GRIK4: variants seen among roughly 807,000 people sequenced by gnomAD.
GRIK4 encodes glutamate ionotropic receptor kainate type subunit 4, also known as glutamate receptor ionotropic, kainate 4.
In GRIK4, 40 loss-of-function variants were observed where a neutral mutation model predicts 104.9. The observed-to-expected ratio is 0.38, with a 90% CI of 0.30 to 0.50. The LOEUF is 0.50. Ranked by LOEUF, GRIK4 falls within the 20% of genes least tolerant of loss-of-function variation. The pLI, the probability that GRIK4 is intolerant of heterozygous loss-of-function variation, is 0.93. For missense variants in GRIK4, 1,047 were observed against 1,308.1 expected (o/e 0.80, Z 3.08); for synonymous variants, 485 against 524.9 (o/e 0.92, Z 1.04).
intron 3 of GRIK4, among the ~76,000 whole-genome samples, chr11:120,699,839 G>A (rs118060903): frequency 0.016 from 2,401 of 152,256 alleles, 36 homozygotes; most frequent in Non-Finnish European, 0.025. Context: ...GCCAGCTCGG[G>A]GCATGCCCAG....
intron 1 of GRIK4, among the ~76,000 whole-genome samples, chr11:120,578,534 C>G (rs1331495611): frequency 6.6e-6 from 1 of 152,220 alleles, no homozygotes; most frequent in African/African-American, 2.4e-5. Context: ...GCTTCTAGAA[C>G]ATACAGGGCA....
chr11:120,692,446 C>T (rs775571033), intron 3 of GRIK4, among the ~76,000 whole-genome samples: 3 of 152,164 alleles, frequency 2.0e-5, no homozygotes, highest in Non-Finnish European at 4.4e-5. Context: ...GGTGCATAAA[C>T]AGATCTTGAC....
intron 13 of GRIK4, among the ~76,000 whole-genome samples, chr11:120,924,735 CTG>C (rs1271609750): frequency 6.6e-6 from 1 of 152,142 alleles, no homozygotes; most frequent in Non-Finnish European, 1.5e-5. Flanking sequence ...CAAGAACGAT[CTG>C]TGAAAAAACA....
intron 13 of GRIK4, chr11:120,936,106 CT>C (rs1399018389): frequency 9.4e-5 from 20 of 213,410 alleles, no homozygotes; most frequent in South Asian, 1.8e-4. Context: ...CCGCCTCTTC[CT>C]TTTTTTTCCT....
intron 11 of GRIK4, among the ~76,000 whole-genome samples, chr11:120,893,795 T>TC (rs1942487351): frequency 1.3e-5 from 2 of 152,172 alleles, no homozygotes; most frequent in Admixed American, 6.5e-5. Flanking sequence ...GTCTTTTTTT[T>TC]TCCCCCCAGG....
At chr11:120,611,478 A>G (rs950758036) in intron 1 of GRIK4, among the ~76,000 whole-genome samples, 2 of 152,212 alleles carry the variant, frequency 1.3e-5, no homozygotes, top group African/African-American at 2.4e-5. Context: ...AGTTTCTGGC[A>G]AAAGACAAGG....
chr11:120,851,846 G>T (rs1179407318), intron 8 of GRIK4, among the ~76,000 whole-genome samples: 1 of 152,198 alleles, frequency 6.6e-6, no homozygotes, highest in Admixed American at 6.5e-5. Context: ...TAAGGAGGCA[G>T]AGTCCACTGA....
intron 3 of GRIK4, among the ~76,000 whole-genome samples, chr11:120,749,038 T>A (rs1353672722): frequency 3.3e-5 from 5 of 152,234 alleles, no homozygotes; most frequent in Non-Finnish European, 7.3e-5. Flanking sequence ...CTCCTCCTGC[T>A]GATTTGTGAG....
chr11:120,776,985 A>AG, intron 3 of GRIK4, among the ~76,000 whole-genome samples: 1 of 152,186 alleles, frequency 6.6e-6, no homozygotes, highest in East Asian at 1.9e-4. Context: ...GGGAGCTACG[A>AG]GGGGGGTGTG....
intron 3 of GRIK4, among the ~76,000 whole-genome samples, chr11:120,715,393 T>C (rs988998013): frequency 2.6e-5 from 4 of 151,964 alleles, no homozygotes; most frequent in Non-Finnish European, 4.4e-5. Context: ...TCGTGTCTCA[T>C]AAAAACAAAA....
chr11:120,540,706 G>A (rs1249143507), intron 1 of GRIK4, among the ~76,000 whole-genome samples: 1 of 152,198 alleles, frequency 6.6e-6, no homozygotes, highest in African/African-American at 2.4e-5. Flanking sequence ...GTAGAGTTGA[G>A]GGGTGGGAAG....
chr11:120,727,181 A>T (rs954342035), intron 3 of GRIK4, among the ~76,000 whole-genome samples: 1 of 152,208 alleles, frequency 6.6e-6, no homozygotes, highest in Admixed American at 6.5e-5. Context: ...AGTCCACCAG[A>T]TGGAACAAAG....
At chr11:120,671,332 A>G (rs1460629836) in intron 3 of GRIK4, among the ~76,000 whole-genome samples, 4 of 152,198 alleles carry the variant, frequency 2.6e-5, no homozygotes, top group Non-Finnish European at 4.4e-5. Context: ...GTGTAAAAGC[A>G]TTACTATTTC....
At chr11:120,860,436 C>A (rs1232552565) in intron 8 of GRIK4, among the ~76,000 whole-genome samples, 1 of 152,106 alleles carries the variant, frequency 6.6e-6, no homozygotes, top group African/African-American at 2.4e-5. Context: ...CAGGCTAACA[C>A]GTGGCCCCAC....
chr11:120,712,882 C>T (rs1030398529), intron 3 of GRIK4, among the ~76,000 whole-genome samples: 8 of 152,180 alleles, frequency 5.3e-5, no homozygotes, highest in Non-Finnish European at 1.2e-4. Flanking sequence ...TCAGTCCCTT[C>T]TTATGTGATT....
At chr11:120,517,491 C>T (rs930261964) in intron 1 of GRIK4, among the ~76,000 whole-genome samples, 4 of 148,746 alleles carry the variant, frequency 2.7e-5, no homozygotes, top group Admixed American at 6.6e-5. Flanking sequence ...ACGGTGCCCC[C>T]GCCTGTGCAC....
chr11:120,908,623 G>C (rs1351795253), intron 13 of GRIK4, among the ~76,000 whole-genome samples: 2 of 152,162 alleles, frequency 1.3e-5, no homozygotes, highest in Admixed American at 6.5e-5. Flanking sequence ...GGCGGGGAGA[G>C]TATGCAGAAG....
chr11:120,925,037 G>A (rs1055292749), intron 13 of GRIK4, among the ~76,000 whole-genome samples: 5 of 152,188 alleles, frequency 3.3e-5, no homozygotes, highest in African/African-American at 7.2e-5. Context: ...GGGGAGGTGG[G>A]GCAGTTCAGG....
Position 120,637,420 on chromosome 11 carries a change from G to A in GRIK4, c.-158-16265G>A, listed in dbSNP as rs759452040. Among the ~76,000 whole-genome samples, 76 of 152,170 alleles carry A rather than the reference G, an allele frequency of 5.0e-4. 1 individual carries two copies. Among genetic ancestry groups the A allele is most frequent in the African/African-American group, 1.7e-3 (69 of 41,510 alleles). ...GAGTGAGTGGCTTTCTGGTCTCTCC[G>A]GCTGAGCAGTGCTGATGGAACAGGT... On this transcript the variant is annotated intron_variant, in intron 1 of 20. Coordinates refer to ENST00000527524, the MANE Select transcript of GRIK4 (RefSeq NM_014619.5).
Sources: gnomAD v4.1 joint callset for allele counts (sites outside exome capture counted in the v4.1 genomes callset) on GRCh38, gnomAD v4.1.1 for gene constraint, MANE v1.5 for transcripts, NCBI Gene and HGNC (gene_info 2026-07-23, HGNC 2026-07-21) for gene names.